Variants in RABGEF1 observed in about 807,000 individuals in gnomAD.
RABGEF1 encodes rab5 GDP/GTP exchange factor.
In RABGEF1, 26 loss-of-function variants were observed where a neutral mutation model predicts 57.3. That is an observed-to-expected ratio of 0.45 (90% CI 0.33 to 0.63). The LOEUF is 0.63. Ranked by LOEUF, RABGEF1 falls within the 20% of genes least tolerant of loss-of-function variation. The probability of loss-of-function intolerance (pLI) is 0.02; values close to 1 mark genes in which losing one functional copy is unlikely to be tolerated. For missense variants in RABGEF1, 464 were observed against 607.6 expected (o/e 0.76, Z 2.48); for synonymous variants, 185 against 210.7 (o/e 0.88, Z 1.06).
At chr7:66,782,202 G>C (rs527898838) in intron 3 of RABGEF1, among the ~76,000 whole-genome samples, 1 of 152,104 alleles carries the variant, frequency 6.6e-6, no homozygotes, top group Non-Finnish European at 1.5e-5. Flanking sequence ...AAATTAGATT[G>C]TACCTGATTT....
chr7:66,730,557 C>CTTTTTT (rs888301191), intron 2 of RABGEF1, among the ~76,000 whole-genome samples: 8 of 130,844 alleles, frequency 6.1e-5, no homozygotes, highest in Non-Finnish European at 8.3e-5. Flanking sequence ...GTTTCTTTTT[C>CTTTTTT]TTTTTTTTTT....
chr7:66,763,952 C>A (rs1344184509), intron 1 of RABGEF1, among the ~76,000 whole-genome samples: 2 of 152,150 alleles, frequency 1.3e-5, no homozygotes, highest in African/African-American at 2.4e-5. Context: ...CATTCACGTA[C>A]AAGTTTCTCT....
intron 1 of RABGEF1, among the ~76,000 whole-genome samples, chr7:66,693,900 G>A (rs1393712875): frequency 6.6e-6 from 1 of 151,222 alleles, no homozygotes; most frequent in Non-Finnish European, 1.5e-5. Context: ...CTCCGCCTCT[G>A]GGGCTCAAGC....
At chr7:66,780,636 A>G (rs148912731) in intron 3 of RABGEF1, among the ~76,000 whole-genome samples, 2 of 152,292 alleles carry the variant, frequency 1.3e-5, no homozygotes, top group East Asian at 3.9e-4. Flanking sequence ...TTACTAAATG[A>G]GGAATATTGA....
chr7:66,707,605 T>C (rs2117342316), intron 1 of RABGEF1, among the ~76,000 whole-genome samples: 1 of 152,238 alleles, frequency 6.6e-6, no homozygotes, highest in East Asian at 1.9e-4. Context: ...GGAAAATTGC[T>C]TGAACCTGGG....
At chr7:66,705,439 AAGAAAG>A (rs1179477211) in intron 1 of RABGEF1, among the ~76,000 whole-genome samples, 26 of 55,040 alleles carry the variant, frequency 4.7e-4, no homozygotes, top group Admixed American at 1.6e-3. Context: ...TCCATCTCGA[AAGAAAG>A]AGAGAGAGAG....
At chr7:66,793,491 T>G (rs1445668229) in intron 4 of RABGEF1, among the ~76,000 whole-genome samples, 6 of 152,190 alleles carry the variant, frequency 3.9e-5, no homozygotes, top group Non-Finnish European at 7.3e-5. Flanking sequence ...TTTTTTATTT[T>G]TGGGTTAGGA....
chr7:66,801,442 A>T (rs1584259066), intron 7 of RABGEF1, among the ~76,000 whole-genome samples: 1 of 152,126 alleles, frequency 6.6e-6, no homozygotes, highest in Non-Finnish European at 1.5e-5. Context: ...ATTACTTTTG[A>T]CTATAGTTCC....
intron 1 of RABGEF1, among the ~76,000 whole-genome samples, chr7:66,770,087 C>T (rs1218998890): frequency 1.3e-5 from 2 of 152,164 alleles, no homozygotes; most frequent in Non-Finnish European, 2.9e-5. Flanking sequence ...TCTTTTTCTG[C>T]GTTTTTCAGT....
intron 1 of RABGEF1, chr7:66,770,184 G>GCA (rs553410758): frequency 1.1e-3 from 160 of 152,292 alleles, no homozygotes; most frequent in African/African-American, 3.5e-3. Flanking sequence ...TCAATTCTCT[G>GCA]CACACAGTTG....
At chr7:66,788,480 C>G (rs1811772411) in intron 4 of RABGEF1, among the ~76,000 whole-genome samples, 4 of 151,814 alleles carry the variant, frequency 2.6e-5, no homozygotes, top group Admixed American at 6.6e-5. Context: ...CAAAACACCC[C>G]TCATTTTTTG....
chr7:66,692,078 CAAAT>C (rs149234866), intron 1 of RABGEF1, among the ~76,000 whole-genome samples: 9,292 of 128,586 alleles, frequency 0.072, 489 homozygotes, highest in African/African-American at 0.15. Flanking sequence ...AACAAACAAA[CAAAT>C]AAATAAATAA....
At chr7:66,699,588 A>G (rs553776123) in intron 1 of RABGEF1, among the ~76,000 whole-genome samples, 38 of 151,596 alleles carry the variant, frequency 2.5e-4, no homozygotes, top group African/African-American at 8.9e-4. Context: ...GCTACTCGGG[A>G]GGCTGAGGCA....
intron 1 of RABGEF1, among the ~76,000 whole-genome samples, chr7:66,691,574 C>T (rs1791525964): frequency 6.6e-6 from 1 of 152,094 alleles, no homozygotes; most frequent in South Asian, 2.1e-4. Flanking sequence ...TATGATAGAA[C>T]AAAAGCAATA....
chr7:66,704,717 A>G (rs1388822747), intron 1 of RABGEF1, among the ~76,000 whole-genome samples: 1 of 151,984 alleles, frequency 6.6e-6, no homozygotes, highest in Non-Finnish European at 1.5e-5. Flanking sequence ...AGGCTGAAGC[A>G]GGAGAATGGT....
At chr7:66,771,800 C>T (rs1180622404) in intron 1 of RABGEF1, 83 bp from the exon 2 acceptor site, 2 of 998,222 alleles carry the variant, frequency 2.0e-6, no homozygotes, top group Non-Finnish European at 2.7e-6. Context: ...ATAATGGAAT[C>T]ACTCACTTTT....
chr7:66,766,648 A>C (rs1360646487), intron 1 of RABGEF1, among the ~76,000 whole-genome samples: 3 of 152,120 alleles, frequency 2.0e-5, no homozygotes, highest in Non-Finnish European at 4.4e-5. Flanking sequence ...TTAAATAACT[A>C]TTAAAGATCT....
intron 1 of RABGEF1, among the ~76,000 whole-genome samples, chr7:66,757,857 C>T (rs1467356205): frequency 2.6e-5 from 4 of 152,156 alleles, no homozygotes; most frequent in Admixed American, 6.5e-5. Context: ...GTGATCCGCC[C>T]GCCTCGACCT....
chr7:66,750,790 T>C (rs1308891030), intron 1 of RABGEF1, among the ~76,000 whole-genome samples: 1 of 152,236 alleles, frequency 6.6e-6, no homozygotes, highest in Admixed American at 6.5e-5. Flanking sequence ...TGGTAGTGAT[T>C]CTGCCATTTA....
Sources: gnomAD v4.1 joint callset for allele counts (sites outside exome capture counted in the v4.1 genomes callset) on GRCh38, gnomAD v4.1.1 for gene constraint, MANE v1.5 for transcripts, NCBI Gene and HGNC (gene_info 2026-07-23, HGNC 2026-07-21) for gene names.